The following SUGCT variants were observed in gnomAD, a reference collection of about 807,000 sequenced individuals.
The protein encoded by SUGCT is succinyl-CoA:glutarate-CoA transferase, also known as succinyl-CoA:glutarate CoA-transferase.
In SUGCT, 41 loss-of-function variants were observed where a neutral mutation model predicts 55.0. That is an observed-to-expected ratio of 0.74 (90% CI 0.58 to 0.97). The LOEUF (loss-of-function observed/expected upper bound fraction) is 0.97. SUGCT is among the 50% of genes least tolerant of loss of function. The pLI is 0.00. For missense variants in SUGCT, 568 were observed against 547.8 expected (o/e 1.04, Z -0.37); for synonymous variants, 187 against 200.4 (o/e 0.93, Z 0.56).
chr7:40,514,485 G>C (rs182121836), intron 12 of SUGCT, among the ~76,000 whole-genome samples: 43 of 152,142 alleles, frequency 2.8e-4, no homozygotes, highest in Non-Finnish European at 4.0e-4. Flanking sequence ...GAGGAGGCTG[G>C]ATCATCTGAG....
At chr7:40,196,670 G>A (rs993258073) in intron 6 of SUGCT, among the ~76,000 whole-genome samples, 3 of 152,136 alleles carry the variant, frequency 2.0e-5, no homozygotes, top group African/African-American at 7.2e-5. Flanking sequence ...ACAACACCAA[G>A]TGCACTAGCC....
At chr7:40,532,891 A>G (rs1794172585) in intron 12 of SUGCT, among the ~76,000 whole-genome samples, 1 of 152,192 alleles carries the variant, frequency 6.6e-6, no homozygotes. Context: ...ATACCACATC[A>G]TCAGTCTCTC....
At chr7:40,677,052 CCAAT>C (rs1310050232) in intron 12 of SUGCT, among the ~76,000 whole-genome samples, 1 of 151,978 alleles carries the variant, frequency 6.6e-6, no homozygotes, top group Non-Finnish European at 1.5e-5. Context: ...ATAAGCTGGC[CCAAT>C]CAGTGTTTTC....
At chr7:40,651,250 A>C (rs1461013810) in intron 12 of SUGCT, among the ~76,000 whole-genome samples, 1 of 152,198 alleles carries the variant, frequency 6.6e-6, no homozygotes, top group East Asian at 1.9e-4. Context: ...CTTCACCAGC[A>C]TCTGTTGTTT....
At chr7:40,648,995 C>A (rs941306213) in intron 12 of SUGCT, among the ~76,000 whole-genome samples, 1 of 152,064 alleles carries the variant, frequency 6.6e-6, no homozygotes, top group African/African-American at 2.4e-5. Flanking sequence ...ATTTATGAAA[C>A]TTTTTTCTTA....
At chr7:40,294,082 G>A (rs750279832) in intron 8 of SUGCT, among the ~76,000 whole-genome samples, 53 of 152,006 alleles carry the variant, frequency 3.5e-4, no homozygotes, top group Non-Finnish European at 5.7e-4. Flanking sequence ...CTAGTAGCTG[G>A]GATTACAGGC....
chr7:40,443,541 A>C (rs922849312), intron 9 of SUGCT, among the ~76,000 whole-genome samples: 4 of 152,110 alleles, frequency 2.6e-5, no homozygotes, highest in Non-Finnish European at 4.4e-5. Context: ...GTGTCTGTTC[A>C]TATCCTTTGC....
intron 9 of SUGCT, among the ~76,000 whole-genome samples, chr7:40,320,665 C>T (rs1427829854): frequency 5.3e-5 from 8 of 152,172 alleles, no homozygotes; most frequent in African/African-American, 1.7e-4. Context: ...ATTTCCATGT[C>T]CTCCTTTGTT....
intron 12 of SUGCT, among the ~76,000 whole-genome samples, chr7:40,676,589 G>A (rs889013279): frequency 6.8e-6 from 1 of 147,362 alleles, no homozygotes; most frequent in Non-Finnish European, 1.5e-5. Context: ...TGCAACTTCC[G>A]CCTCCCGGGT....
chr7:40,369,616 G>C (rs1022823584), intron 9 of SUGCT, among the ~76,000 whole-genome samples: 12 of 152,236 alleles, frequency 7.9e-5, no homozygotes, highest in African/African-American at 2.4e-4. Context: ...AAGGGGGAGG[G>C]TGCAGACATC....
chr7:40,600,931 C>T (rs1270056123), intron 12 of SUGCT, among the ~76,000 whole-genome samples: 3 of 152,022 alleles, frequency 2.0e-5, no homozygotes, highest in Non-Finnish European at 4.4e-5. Context: ...ATGTTCAACA[C>T]TATGTTCCAA....
At chr7:40,406,264 T>A (rs1786365852) in intron 9 of SUGCT, among the ~76,000 whole-genome samples, 1 of 152,026 alleles carries the variant, frequency 6.6e-6, no homozygotes, top group Admixed American at 6.6e-5. Context: ...CCAATACCAA[T>A]CTTAGGTTTG....
rs904587515 is a variant in SUGCT at position 40,458,553 on chromosome 7, G to A, written c.889-548G>A. On this transcript the variant is annotated intron_variant, in intron 10 of 13. Transcript: ENST00000335693. ...TTAAATGGTGAGAATTTGGGTAAAT[G>A]TATTTGCTTTTACTTTATTTTAGCA... Among the ~76,000 whole-genome samples, 47 of 152,174 alleles carry A rather than the reference G, an allele frequency of 3.1e-4. 1 individual carries two copies. The highest frequency in any genetic ancestry group is 8.5e-4 in the Admixed American group (13 of 15,278).
chr7:40,670,227 C>A (rs1801870991), intron 12 of SUGCT, among the ~76,000 whole-genome samples: 1 of 140,518 alleles, frequency 7.1e-6, no homozygotes, highest in African/African-American at 2.6e-5. Context: ...TATCAGTAAT[C>A]TAAGATCTTT....
intron 9 of SUGCT, among the ~76,000 whole-genome samples, chr7:40,374,915 T>C (rs1321208771): frequency 6.6e-6 from 1 of 152,168 alleles, no homozygotes; most frequent in African/African-American, 2.4e-5. Context: ...AGATTATGGA[T>C]GCTATCTGGC....
intron 12 of SUGCT, among the ~76,000 whole-genome samples, chr7:40,731,341 A>T (rs1786878259): frequency 6.6e-6 from 1 of 152,228 alleles, no homozygotes; most frequent in Non-Finnish European, 1.5e-5. Flanking sequence ...TAGTGGCAGA[A>T]CCAAAATTGG....
intron 8 of SUGCT, among the ~76,000 whole-genome samples, chr7:40,309,326 G>A (rs990288946): frequency 4.0e-5 from 6 of 151,462 alleles, no homozygotes; most frequent in Admixed American, 6.6e-5. Context: ...TTTTTGAGAC[G>A]GAGTCTCATT....
chr7:40,916,104 C>CAT, the SUGCT span, among the ~76,000 whole-genome samples: 5 of 141,186 alleles, frequency 3.5e-5, no homozygotes, highest in African/African-American at 1.3e-4. Context: ...CACACACACA[C>CAT]AGATATACAT....
chr7:40,474,604 C>G (rs745973160), intron 11 of SUGCT, among the ~76,000 whole-genome samples: 3 of 152,134 alleles, frequency 2.0e-5, no homozygotes, highest in Non-Finnish European at 4.4e-5. Context: ...GTTTATACTT[C>G]CAGTAAACAA....
Sources: gnomAD v4.1 joint callset for allele counts (sites outside exome capture counted in the v4.1 genomes callset) on GRCh38, gnomAD v4.1.1 for gene constraint, MANE v1.5 for transcripts, NCBI Gene and HGNC (gene_info 2026-07-23, HGNC 2026-07-21) for gene names.